Variants in SLC9C1 observed in about 807,000 individuals in gnomAD.
SLC9C1 encodes sodium/hydrogen exchanger 10.
In SLC9C1, 97 loss-of-function variants were observed where a neutral mutation model predicts 140.9. That is an observed-to-expected ratio of 0.69 (90% CI 0.58 to 0.82). The LOEUF (loss-of-function observed/expected upper bound fraction) is 0.82. Among genes scored for constraint, SLC9C1 ranks in the 40% least tolerant of loss-of-function variants. SLC9C1 has a pLI of 0.00. For synonymous variants in SLC9C1, 440 were observed against 442.6 expected (o/e 0.99, Z 0.07); for missense variants, 1,340 against 1,389.3 (o/e 0.96, Z 0.56).
chr3:112,280,928 C>A, intron 2 of SLC9C1, 145 bp from the exon 3 acceptor site: 2 of 700,554 alleles, frequency 2.9e-6, no homozygotes, highest in Non-Finnish European at 2.5e-6. Flanking sequence ...CACTTATCAG[C>A]ACACAGAATC....
chr3:112,218,174 G>GT (rs61498352), intron 14 of SLC9C1, among the ~76,000 whole-genome samples: 27,845 of 143,032 alleles, frequency 0.19, 2,989 homozygotes, highest in Middle Eastern at 0.27. Flanking sequence ...TTTCTGCTAG[G>GT]TTTTTTTTTT....
intron 10 of SLC9C1, among the ~76,000 whole-genome samples, chr3:112,261,017 A>G (rs1010450784): frequency 2.0e-5 from 3 of 152,088 alleles, no homozygotes; most frequent in Non-Finnish European, 4.4e-5. Flanking sequence ...TTTTCTGCCC[A>G]GTAAGTTTAC....
chr3:112,248,374 G>A (rs2079352908), intron 10 of SLC9C1, among the ~76,000 whole-genome samples: 1 of 152,112 alleles, frequency 6.6e-6, no homozygotes, highest in African/African-American at 2.4e-5. Flanking sequence ...CACAGAAACT[G>A]AGATAATAAA....
At chr3:112,284,181 C>A (rs887066425) in intron 2 of SLC9C1, among the ~76,000 whole-genome samples, 2 of 152,212 alleles carry the variant, frequency 1.3e-5, no homozygotes, top group African/African-American at 4.8e-5. Context: ...TAATACAAAC[C>A]TATTTTAAAA....
chr3:112,238,077 G>A (rs1005368947), intron 12 of SLC9C1, among the ~76,000 whole-genome samples: 9 of 152,050 alleles, frequency 5.9e-5, no homozygotes, highest in Non-Finnish European at 8.8e-5. Flanking sequence ...CATTCTCCTC[G>A]TCACTTTCAG....
At chr3:112,205,275 C>A (rs2078015958) in intron 16 of SLC9C1, among the ~76,000 whole-genome samples, 1 of 151,986 alleles carries the variant, frequency 6.6e-6, no homozygotes, top group African/African-American at 2.4e-5. Context: ...AACAGAGAGC[C>A]AAATCATGAG....
intron 23 of SLC9C1, among the ~76,000 whole-genome samples, chr3:112,175,231 G>C (rs1576273255): frequency 1.3e-5 from 2 of 152,176 alleles, no homozygotes; most frequent in South Asian, 2.1e-4. Context: ...GTCCGCTCCA[G>C]TCCCTAGTCA....
chr3:112,196,073 G>C (rs1421391354), intron 20 of SLC9C1, among the ~76,000 whole-genome samples: 1 of 151,968 alleles, frequency 6.6e-6, no homozygotes, highest in Non-Finnish European at 1.5e-5. Context: ...ATTTATTTTA[G>C]GGCAGATCTA....
intron 28 of SLC9C1, among the ~76,000 whole-genome samples, chr3:112,143,718 G>A (rs887305588): frequency 6.6e-6 from 1 of 152,108 alleles, no homozygotes; most frequent in African/African-American, 2.4e-5. Context: ...CTTCTGCTGT[G>A]CAGAAGCTCT....
At chr3:112,182,431 T>G (rs962207127) in intron 20 of SLC9C1, among the ~76,000 whole-genome samples, 173 bp from the exon 21 acceptor site, 2 of 152,192 alleles carry the variant, frequency 1.3e-5, no homozygotes, top group Non-Finnish European at 2.9e-5. Context: ...TCATTATTTT[T>G]ATTTCTTCCC....
chr3:112,232,367 A>C (rs2078851621), intron 12 of SLC9C1, among the ~76,000 whole-genome samples: 1 of 152,212 alleles, frequency 6.6e-6, no homozygotes, highest in Admixed American at 6.6e-5. Context: ...TATTTTGAGT[A>C]AACTATCTGG....
At chr3:112,212,855 A>G (rs540635693) in intron 15 of SLC9C1, among the ~76,000 whole-genome samples, 1 of 152,214 alleles carries the variant, frequency 6.6e-6, no homozygotes, top group Non-Finnish European at 1.5e-5. Flanking sequence ...AATACAGAGA[A>G]TGCCACAAAG....
intron 19 of SLC9C1, among the ~76,000 whole-genome samples, chr3:112,200,083 C>A (rs181582445): frequency 6.6e-6 from 1 of 152,198 alleles, no homozygotes; most frequent in Non-Finnish European, 1.5e-5. Context: ...GACCTCATCT[C>A]CAGGTTTGCT....
At chr3:112,278,642 C>T (rs1194965431) in intron 4 of SLC9C1, 87 bp downstream of exon 4, 12 of 1,405,030 alleles carry the variant, frequency 8.5e-6, no homozygotes, top group Non-Finnish European at 1.1e-5. Flanking sequence ...TCTTTGTTCC[C>T]TATTTTGGAA....
rs28587275 is a variant in SLC9C1 at position 112,286,665 on chromosome 3, C to T, written c.88+39G>A. The T allele has an allele frequency of 3.4e-3, 5,117 of 1,509,018 alleles. 130 individuals carry two copies. The African/African-American group carries it at 0.061, about 18-fold the overall frequency. 93.5% of individuals were successfully genotyped at this position (1,509,018 alleles called of 1,614,324 possible). On this transcript the variant is annotated intron_variant, in intron 2 of 28. Transcript: ENST00000305815. ...ATATGGTAGCATTTATAAGATGTAC[C>T]GGAAGAATAAACTCAGATAAAGAGA...
intron 21 of SLC9C1, among the ~76,000 whole-genome samples, chr3:112,181,020 T>C (rs1208120203): frequency 2.0e-5 from 3 of 152,322 alleles, no homozygotes; most frequent in East Asian, 1.9e-4. Context: ...CCTTCCAAAG[T>C]GCTTGGATTA....
chr3:112,201,900 A>T (rs1560058217), intron 18 of SLC9C1, among the ~76,000 whole-genome samples: 1 of 151,944 alleles, frequency 6.6e-6, no homozygotes, highest in Non-Finnish European at 1.5e-5. Flanking sequence ...TGTTTTCTCC[A>T]CCCTGCCTTC....
intron 13 of SLC9C1, among the ~76,000 whole-genome samples, chr3:112,224,289 TGA>T (rs1387108204): frequency 6.6e-6 from 1 of 152,096 alleles, no homozygotes; most frequent in Admixed American, 6.6e-5. Flanking sequence ...CCTACCCAAC[TGA>T]CACCCTGGGA....
At chr3:112,284,112 A>T (rs2080436529) in intron 2 of SLC9C1, among the ~76,000 whole-genome samples, 1 of 152,252 alleles carries the variant, frequency 6.6e-6, no homozygotes, top group African/African-American at 2.4e-5. Flanking sequence ...ATGTGATTAG[A>T]TTTGAAAGTG....
Sources: gnomAD v4.1 joint callset for allele counts (sites outside exome capture counted in the v4.1 genomes callset) on GRCh38, gnomAD v4.1.1 for gene constraint, MANE v1.5 for transcripts, NCBI Gene and HGNC (gene_info 2026-07-23, HGNC 2026-07-21) for gene names.